Variants in ATP12A observed in about 807,000 individuals in gnomAD.
ATP12A encodes the protein ATPase H+/K+ transporting non-gastric alpha2 subunit.
ATP12A carries 81 observed loss-of-function variants against 111.2 expected under a neutral mutation model. The ratio of observed to expected loss-of-function variants is 0.73; its 90% CI spans 0.61 to 0.88. ATP12A has a LOEUF of 0.88. Among genes scored for constraint, ATP12A ranks in the 40% least tolerant of loss-of-function variants. The pLI is 0.00. For missense variants in ATP12A, 1,196 were observed against 1,313.1 expected, an observed-to-expected ratio of 0.91 and a Z score of 1.38; for synonymous variants, 498 against 499.8, an observed-to-expected ratio of 1.00 and a Z score of 0.05.
chr13:24,690,838 A>T, intron 7 of ATP12A, 117 bp downstream of exon 7: 3 of 1,445,262 alleles, frequency 2.1e-6, no homozygotes, highest in East Asian at 2.3e-5. Context: ...GGAAGCATGG[A>T]ACTGAAGGGC....
Position 24,690,660 on chromosome 13 carries a change from T to G in ATP12A, c.738T>G (p.Phe246Leu). The change falls in exon 7 of 23, where the codon TTT becomes TTG. Residue 246 changes from phenylalanine (F) to leucine (L), a missense_variant. Physicochemically the swap from Phe to Leu is conservative, Grantham distance 22 (BLOSUM62 0). This residue lies in a region of ATP12A where 1,126 missense variants were observed against 1,228.5 expected (regional missense o/e 0.92). Transcript: ENST00000381946. ...AGCCCCAGCCCCGCTCCTCTGAGTT[T>G]ACCCATGAAAACCCCCTGGAAACAA... ...ESEPQPRSSE[F>L]THENPLETKN... The G allele has an allele frequency of 1.2e-6, 2 of 1,614,004 alleles. No individual in the cohort carries two copies. The highest frequency in any genetic ancestry group is 1.7e-6 in the Non-Finnish European group (2 of 1,179,988).
intron 17 of ATP12A, 73 bp downstream of exon 17, chr13:24,707,506 A>C: frequency 1.9e-6 from 3 of 1,582,102 alleles, no homozygotes; most frequent in Non-Finnish European, 2.6e-6. Context: ...GCTACCTTCA[A>C]GGGCCGGGGA....
chr13:24,710,676 T>A, intron 20 of ATP12A, 83 bp downstream of exon 20: 1 of 1,607,248 alleles, frequency 6.2e-7, no homozygotes, highest in South Asian at 1.1e-5. Flanking sequence ...CAAGACAGAG[T>A]TCTGGCCACA....
chr13:24,708,942 A>AAAGAAAGAAAGAAAGGAAGG (rs1566078297), intron 17 of ATP12A, among the ~76,000 whole-genome samples: 10 of 107,860 alleles, frequency 9.3e-5, no homozygotes, highest in African/African-American at 3.2e-4. Flanking sequence ...AGAAAGAAAG[A>AAAGAAAGAAAGAAAGGAAGG]AAGAAAGAAA....
intron 11 of ATP12A, among the ~76,000 whole-genome samples, chr13:24,695,443 C>A (rs1039518126): frequency 1.3e-5 from 2 of 152,164 alleles, no homozygotes; most frequent in African/African-American, 4.8e-5. Context: ...GGTCCCCATG[C>A]AGATGGGATT....
At chr13:24,708,879 A>G (rs1274579909) in intron 17 of ATP12A, among the ~76,000 whole-genome samples, 2 of 141,480 alleles carry the variant, frequency 1.4e-5, no homozygotes, top group African/African-American at 5.2e-5. Flanking sequence ...AGAGAAAGAG[A>G]GAGAAAGAGA....
In ATP12A at chr13:24,711,444, CCA is replaced by C. The variant is rs555887693; in HGVS notation, c.3091+37_3091+38del. ...CTATGATTTTAGAGGCTCTGTTTAC[CCA>C]CTTCAACAGACTCTCCATTTCTGAT... On this transcript the variant is annotated intron_variant, in intron 22 of 22. Coordinates refer to ENST00000381946, the MANE Select transcript of ATP12A (RefSeq NM_001676.7). 195 of 1,613,976 alleles carry C rather than the reference CCA, an allele frequency of 1.2e-4. No homozygotes were observed. In the African/African-American group the frequency reaches 2.2e-3, roughly 19 times the overall value.
At chr13:24,703,558 A>G (rs1242168164) in intron 14 of ATP12A, 1 of 152,120 alleles carries the variant, frequency 6.6e-6, no homozygotes, top group Non-Finnish European at 1.5e-5. Context: ...AAATTTTTTT[A>G]AGAGTAGTCA....
rs571649911 is a variant in ATP12A at position 24,694,917 on chromosome 13, G to A, written c.1512+339G>A. 2.5e-4 allele frequency among the ~76,000 whole-genome samples: 38 copies of A among 152,126 alleles called. No homozygotes were observed. In the South Asian group the frequency reaches 7.9e-3, roughly 32 times the overall value. On this transcript the variant is annotated intron_variant, in intron 11 of 22. Transcript: ENST00000381946. ...CCACCACTATCAGGTACCTTCTGCC[G>A]TGAGGAGCAGCAGCCATACTCCAAA...
Position 24,701,945 on chromosome 13 carries a change from T to C in ATP12A, c.1892T>C (p.Val631Ala), listed in dbSNP as rs1397794036. ...CRSAGIKVIMVTGDHPITAKA... is the reference protein window; with the variant it reads ...CRSAGIKVIMATGDHPITAKA... ...TTGTCTTTGCTCTAGGTTATTATGGTTACTGGTGATCATCCCATCACAGCC... is the reference window on the plus strand; with the variant it reads ...TTGTCTTTGCTCTAGGTTATTATGGCTACTGGTGATCATCCCATCACAGCC... The change falls in exon 14 of 23, where the codon GTT (valine) becomes GCT (alanine). Residue 631 changes from valine to alanine, a missense_variant. Physicochemically the swap from Val to Ala is moderately conservative, Grantham distance 64. Transcript: ENST00000381946. 2.1e-5 allele frequency: 34 copies of C among 1,614,106 alleles called. No homozygotes were observed. Among genetic ancestry groups the C allele is most frequent in the Non-Finnish European group, 2.7e-5 (32 of 1,180,052 alleles).
chr13:24,706,114 T>C (rs1435021824), intron 14 of ATP12A, among the ~76,000 whole-genome samples, 199 bp from the exon 15 acceptor site: 1 of 152,234 alleles, frequency 6.6e-6, no homozygotes, highest in African/African-American at 2.4e-5. Context: ...AATGGTGTTA[T>C]ATTTTAGCCT....
chr13:24,707,366 T>A lies in ATP12A; in HGVS notation c.2426T>A (p.Ile809Asn), dbSNP rs948955972. The A allele has an allele frequency of 5.6e-6, 9 of 1,614,194 alleles. No homozygotes were observed. The highest frequency in any genetic ancestry group is 7.6e-6 in the Non-Finnish European group (9 of 1,180,030). The change falls in exon 17 of 23, where the codon ATC (isoleucine) becomes AAC (asparagine). Residue 809 changes from isoleucine to asparagine, a missense_variant. This residue lies in a region of ATP12A where 1,126 missense variants were observed against 1,228.5 expected (regional missense o/e 0.92). Coordinates refer to ENST00000381946, the MANE Select transcript of ATP12A (RefSeq NM_001676.7). Reference protein sequence around the residue: ...IAELCPFLIYIIVGLPLPIGT... With the variant: ...IAELCPFLIYNIVGLPLPIGT... ...GAGCTGTGCCCCTTTCTGATCTACA[T>A]CATTGTCGGGCTCCCCCTGCCCATT...
At chr13:24,698,913 G>A (rs1875283633) in intron 12 of ATP12A, 63 bp downstream of exon 12, 2 of 1,573,884 alleles carry the variant, frequency 1.3e-6, no homozygotes, top group African/African-American at 1.3e-5. Context: ...CAGGCGCCTT[G>A]AGGACCTGTG....
At chr13:24,701,032 A>G in intron 13 of ATP12A, 110 bp downstream of exon 13, 1 of 1,200,502 alleles carries the variant, frequency 8.3e-7, no homozygotes, top group Non-Finnish European at 1.2e-6. Flanking sequence ...AGTAAATATC[A>G]TAATTCCTAT....
At chr13:24,696,069 G>GC (rs1381052512) in intron 11 of ATP12A, among the ~76,000 whole-genome samples, 4 of 152,104 alleles carry the variant, frequency 2.6e-5, no homozygotes, top group African/African-American at 9.7e-5. Context: ...AATAGAGTGC[G>GC]CAACAGTCCT....
intron 14 of ATP12A, among the ~76,000 whole-genome samples, chr13:24,703,205 CT>C (rs1402861365): frequency 6.6e-6 from 1 of 152,120 alleles, no homozygotes; most frequent in Non-Finnish European, 1.5e-5. Context: ...TCGGATTATA[CT>C]TTTTTTCACT....
intron 11 of ATP12A, among the ~76,000 whole-genome samples, chr13:24,696,919 T>A (rs966611264): frequency 3.9e-5 from 6 of 152,238 alleles, no homozygotes; most frequent in Non-Finnish European, 8.8e-5. Flanking sequence ...ATGGAAAGCC[T>A]GTGTCTTATT....
In ATP12A at chr13:24,709,364, A is replaced by G; in HGVS notation, c.2494A>G (p.Ile832Val). 6.2e-7 allele frequency: 1 copy of G among 1,607,744 alleles called. No homozygotes were observed. The highest frequency in any genetic ancestry group is 8.5e-7 in the Non-Finnish European group (1 of 1,177,796). The change falls in exon 18 of 23, where the codon ATC becomes GTC. Residue 832 changes from isoleucine (I) to valine (V), a missense_variant and splice_region_variant. Physicochemically the swap from Ile to Val is conservative, Grantham distance 29. Transcript: ENST00000381946. Reference protein sequence around the residue: ...ILFIDLGTDIIPSIALAYEKA... With the variant: ...ILFIDLGTDIVPSIALAYEKA... ...ACCTCACCAGCCTCTTCCCCTCTAG[A>G]TCCCCTCCATTGCCTTGGCGTACGA...
At chr13:24,707,892 C>T (rs1286750783) in intron 17 of ATP12A, among the ~76,000 whole-genome samples, 7 of 152,020 alleles carry the variant, frequency 4.6e-5, no homozygotes, top group African/African-American at 1.7e-4. Flanking sequence ...TCAAGTGATC[C>T]ACCTGCCTCG....
Sources: gnomAD v4.1 joint callset for allele counts (sites outside exome capture counted in the v4.1 genomes callset) on GRCh38, gnomAD v4.1.1 for gene constraint, gnomAD v4.1.1 regional missense constraint, MANE v1.5 for transcripts, NCBI Gene and HGNC (gene_info 2026-07-23, HGNC 2026-07-21) for gene names.